RBFOX1: variants seen among roughly 807,000 people sequenced by gnomAD.
RBFOX1 encodes the protein RNA binding fox-1 homolog 1.
Under a neutral mutation model 57.7 loss-of-function variants are expected in RBFOX1, and 8 were observed. That is an observed-to-expected ratio of 0.14 (90% CI 0.08 to 0.25). The LOEUF is 0.25. Among genes scored for constraint, RBFOX1 ranks in the 10% least tolerant of loss-of-function variants. The pLI, the probability that RBFOX1 is intolerant of heterozygous loss-of-function variation, is 1.00. For missense variants in RBFOX1, 611 were observed against 548.5 expected (o/e 1.11, Z -1.14); for synonymous variants, 326 against 222.4 (o/e 1.47, Z -4.15).
chr16:6,788,607 C>A lies in RBFOX1; in HGVS notation c.-16+133957C>A, dbSNP rs148626467. Among the ~76,000 whole-genome samples the A allele has an allele frequency of 5.3e-3, 799 of 152,078 alleles. 10 individuals are homozygous for A. The highest frequency in any genetic ancestry group is 0.018 in the African/African-American group (758 of 41,490). The stretch of plus-strand genomic sequence containing the variant: ...TCTCCTGCCTCAGCCTCCCGAGTAG[C>A]TGGAACTACAGGTGCCTACGACCAT... On this transcript the variant is annotated intron_variant, in intron 3 of 15. Transcript: ENST00000550418.
intron 4 of RBFOX1, among the ~76,000 whole-genome samples, chr16:7,337,201 G>C (rs751142828): frequency 1.3e-5 from 2 of 152,124 alleles, no homozygotes; most frequent in Non-Finnish European, 2.9e-5. Flanking sequence ...ATTTGGACTG[G>C]ATTTGTTGAA....
In RBFOX1 at chr16:6,780,375, ATAT is replaced by A. The variant is rs1348368760; in HGVS notation, c.-16+125727_-16+125729del. Among the ~76,000 whole-genome samples the A allele has an allele frequency of 3.5e-4, 37 of 104,258 alleles. 1 individual carries two copies. The South Asian group carries it at 9.9e-3, about 28-fold the overall frequency. 68.4% of individuals were successfully genotyped at this position (104,258 alleles called of 152,430 possible). ...CATATTTATATACATATTTATAGATATATTTATACATATTATATATATTTTTAT... is the reference window on the plus strand; with the variant it reads ...CATATTTATATACATATTTATAGATATTATACATATTATATATATTTTTAT... On this transcript the variant is annotated intron_variant, in intron 3 of 15. Transcript: ENST00000550418.
chr16:7,354,202 G>A (rs11860723), intron 4 of RBFOX1, among the ~76,000 whole-genome samples: 1 of 151,894 alleles, frequency 6.6e-6, no homozygotes, highest in Admixed American at 6.6e-5. Flanking sequence ...AACTCCTGAC[G>A]TCAGGTGATC....
At chr16:6,420,977 T>C (rs802316) in intron 2 of RBFOX1, among the ~76,000 whole-genome samples, 7,591 of 152,284 alleles carry the variant, frequency 0.05, 626 homozygotes, top group African/African-American at 0.17. Flanking sequence ...CAATGGCCCC[T>C]TGTTGCAGCG....
chr16:6,438,788 G>C (rs934907258), intron 2 of RBFOX1, among the ~76,000 whole-genome samples: 1 of 151,852 alleles, frequency 6.6e-6, no homozygotes, highest in East Asian at 1.9e-4. Flanking sequence ...CATGCATAAT[G>C]CTACTAGGAC....
intron 4 of RBFOX1, among the ~76,000 whole-genome samples, chr16:5,945,685 C>T (rs1470690711): frequency 6.6e-6 from 1 of 152,224 alleles, no homozygotes; most frequent in African/African-American, 2.4e-5. Flanking sequence ...TGCCCTTCTG[C>T]ACAGCACAGC....
chr16:5,622,432 C>G (rs1423234046), intron 3 of RBFOX1, among the ~76,000 whole-genome samples: 2 of 152,170 alleles, frequency 1.3e-5, no homozygotes, highest in Non-Finnish European at 2.9e-5. Flanking sequence ...GTAGTAAGCC[C>G]TTGGTAAATA....
At chr16:6,849,535 G>T (rs2093952886) in intron 3 of RBFOX1, among the ~76,000 whole-genome samples, 1 of 152,060 alleles carries the variant, frequency 6.6e-6, no homozygotes, top group Non-Finnish European at 1.5e-5. Context: ...TGGGTATGGT[G>T]GTGCATGCCT....
At chr16:6,763,783 T>C (rs555651679) in intron 3 of RBFOX1, among the ~76,000 whole-genome samples, 1 of 152,354 alleles carries the variant, frequency 6.6e-6, no homozygotes, top group African/African-American at 2.4e-5. Context: ...AATGTTTAAA[T>C]GTGTTCACAC....
At chr16:7,118,245 A>C (rs1222931706) in intron 4 of RBFOX1, among the ~76,000 whole-genome samples, 1 of 152,162 alleles carries the variant, frequency 6.6e-6, no homozygotes, top group Admixed American at 6.5e-5. Flanking sequence ...ATCCATGCTA[A>C]CATCTATTGT....
intron 5 of RBFOX1, among the ~76,000 whole-genome samples, chr16:7,543,300 C>G (rs2083458500): frequency 6.6e-6 from 1 of 152,162 alleles, no homozygotes; most frequent in Admixed American, 6.5e-5. Flanking sequence ...AACTGAGAGT[C>G]TCACCACTCA....
At chr16:6,405,046 C>T (rs906885118) in intron 2 of RBFOX1, among the ~76,000 whole-genome samples, 1 of 148,248 alleles carries the variant, frequency 6.7e-6, no homozygotes, top group Non-Finnish European at 1.5e-5. Flanking sequence ...AGTATTTATG[C>T]CTGCATAACA....
At chr16:5,589,422 G>C (rs985323777) in intron 2 of RBFOX1, among the ~76,000 whole-genome samples, 1 of 152,210 alleles carries the variant, frequency 6.6e-6, no homozygotes, top group African/African-American at 2.4e-5. Flanking sequence ...ACCCAAAAAT[G>C]AGGATGAGCG....
chr16:5,814,700 G>T lies in RBFOX1; in HGVS notation c.319-52603G>T, dbSNP rs192896315. Among the ~76,000 whole-genome samples, 290 of 152,194 alleles carry T rather than the reference G, an allele frequency of 1.9e-3. 3 individuals are homozygous for T. The highest frequency in any genetic ancestry group is 0.013 in the South Asian group (61 of 4,820). The stretch of plus-strand genomic sequence containing the variant: ...TCCCAGCACTTTGGGAGGCCGAGGC[G>T]GGTGGATCATGAGGTCAGGAGATCG... On this transcript the variant is annotated intron_variant, in intron 3 of 19. Coordinates refer to the RBFOX1 transcript ENST00000641259.
In RBFOX1 at chr16:6,097,466, A is replaced by T. The variant is rs1597280031; in HGVS notation, c.-127+77474A>T. Among the ~76,000 whole-genome samples, 5 of 152,262 alleles carry T rather than the reference A, an allele frequency of 3.3e-5. 1 individual carries two copies. On this transcript the variant is annotated intron_variant, in intron 1 of 15. Transcript: ENST00000550418. This position sits in a 1 kb window ranked among gnomAD's most constrained non-coding sequence, Gnocchi z 5.0. ...GATGCAGATTCTTGGTGCCCATCCA[A>T]ACCTACAGAAGCAGAATCTCTGGTG...
rs1376304757 is a variant in RBFOX1, at chr16:6,127,571, A to G, written c.-127+107579A>G. ...AATGAATTGCAGGTTAGGTGGTGGT[A>G]AGTCTCTAAAGAAGATTCATGTGGG... On this transcript the variant is annotated intron_variant, in intron 1 of 15. Coordinates refer to ENST00000550418, the MANE Select transcript of RBFOX1 (RefSeq NM_018723.4). 7.9e-5 allele frequency among the ~76,000 whole-genome samples: 12 copies of G among 152,178 alleles called. 1 individual carries two copies. The highest frequency in any genetic ancestry group is 2.7e-4 in the African/African-American group (11 of 41,456).
At chr16:6,903,574 A>G (rs1272756780) in intron 3 of RBFOX1, among the ~76,000 whole-genome samples, 6 of 152,196 alleles carry the variant, frequency 3.9e-5, no homozygotes, top group Non-Finnish European at 1.5e-5. Context: ...GTGCCCCGCA[A>G]TCACTTATCC....
chr16:6,237,423 G>T (rs74005013), intron 1 of RBFOX1, among the ~76,000 whole-genome samples: 3 of 152,150 alleles, frequency 2.0e-5, no homozygotes, highest in South Asian at 4.1e-4. Context: ...GTAAGCCAAC[G>T]TGCCTCAGGT....
At chr16:6,951,817 T>G (rs771170507) in intron 3 of RBFOX1, among the ~76,000 whole-genome samples, 2 of 152,158 alleles carry the variant, frequency 1.3e-5, no homozygotes, top group Non-Finnish European at 2.9e-5. Flanking sequence ...CACTGCAACC[T>G]CCGCCTCCTG....
Sources: gnomAD v4.1 joint callset for allele counts (sites outside exome capture counted in the v4.1 genomes callset) on GRCh38, gnomAD v4.1.1 for gene constraint, Gnocchi (gnomAD v3.1) non-coding constraint, MANE v1.5 for transcripts, NCBI Gene and HGNC (gene_info 2026-07-23, HGNC 2026-07-21) for gene names.